Variants in LEPR observed in about 807,000 individuals in gnomAD.
LEPR encodes the protein OB receptor.
A neutral mutation model predicts 114.7 loss-of-function variants in LEPR; 56 were observed. The observed-to-expected ratio is 0.49, with a 90% CI of 0.39 to 0.61. The LOEUF is 0.61. LEPR is among the 20% of genes least tolerant of loss of function. LEPR has a pLI of 0.00. For synonymous variants in LEPR, 443 were observed against 461.4 expected, an observed-to-expected ratio of 0.96 and a Z score of 0.51; for missense variants, 1,202 against 1,352.9, an observed-to-expected ratio of 0.89 and a Z score of 1.75.
chr1:65,580,220 A>C (rs1387266429), intron 5 of LEPR, among the ~76,000 whole-genome samples: 1 of 152,196 alleles, frequency 6.6e-6, no homozygotes, highest in Non-Finnish European at 1.5e-5. Context: ...ATCTCCAAAC[A>C]ATTAAATAGG....
At chr1:65,442,875 A>G (rs780629710) in intron 2 of LEPR, among the ~76,000 whole-genome samples, 1 of 152,206 alleles carries the variant, frequency 6.6e-6, no homozygotes, top group Admixed American at 6.5e-5. Flanking sequence ...GGGTTACTAT[A>G]CAAGGGAGAC....
chr1:65,435,595 C>A, intron 2 of LEPR: 1 of 648,204 alleles, frequency 1.5e-6, no homozygotes, highest in Non-Finnish European at 1.9e-6. Flanking sequence ...TCTCGATCTC[C>A]TGACCTCATG....
chr1:65,550,406 C>T, intron 2 of LEPR, among the ~76,000 whole-genome samples: 1 of 152,182 alleles, frequency 6.6e-6, no homozygotes. Context: ...TTGTCTGTGC[C>T]CTGCCCCCAG....
intron 1 of LEPR, among the ~76,000 whole-genome samples, chr1:65,421,030 C>T (rs570833175): frequency 1.3e-5 from 2 of 152,338 alleles, no homozygotes; most frequent in East Asian, 1.9e-4. Context: ...CGCCCTCCAC[C>T]TCTCCTGAGT....
intron 2 of LEPR, among the ~76,000 whole-genome samples, chr1:65,491,221 A>G (rs1647850107): frequency 6.6e-6 from 1 of 152,140 alleles, no homozygotes; most frequent in African/African-American, 2.4e-5. Context: ...TGCTTCTGCT[A>G]GTTCAGATGG....
intron 2 of LEPR, among the ~76,000 whole-genome samples, chr1:65,483,680 G>A (rs1647330938): frequency 6.6e-6 from 1 of 152,068 alleles, no homozygotes; most frequent in South Asian, 2.1e-4. Flanking sequence ...GCCATCCTCA[G>A]TCCTTGGAAG....
chr1:65,443,423 A>G (rs977556192), intron 2 of LEPR, among the ~76,000 whole-genome samples: 13 of 151,096 alleles, frequency 8.6e-5, no homozygotes, highest in Non-Finnish European at 1.3e-4. Flanking sequence ...AATAGGAACA[A>G]TTACATAAAT....
rs1271553040 is a variant in LEPR, at chr1:65,641,175, T to C, written c.*4160T>C. 6.6e-6 allele frequency: 1 copy of C among 152,226 alleles called. No individual in the cohort carries two copies. The highest frequency in any genetic ancestry group is 1.9e-4 in the East Asian group (1 of 5,208). 9.4% of individuals were successfully genotyped at this position (152,226 alleles called of 1,614,324 possible). On this transcript the variant is annotated 3_prime_UTR_variant, in exon 20 of 20. Transcript: ENST00000349533. The stretch of plus-strand genomic sequence containing the variant: ...AAAATGTCTTTTTCAAAATTAATTA[T>C]GCTTAAGATGTATGGCATTAAATTC...
At chr1:65,434,673 A>G (rs1646534197) in intron 2 of LEPR, 1 of 985,276 alleles carries the variant, frequency 1.0e-6, no homozygotes, top group African/African-American at 1.7e-5. Flanking sequence ...CCTAAGAACA[A>G]GGTCTTTCTC....
At chr1:65,621,904 T>C (rs371086641) in intron 18 of LEPR, among the ~76,000 whole-genome samples, 5 of 152,056 alleles carry the variant, frequency 3.3e-5, no homozygotes, top group African/African-American at 1.2e-4. Context: ...CTGACATCTT[T>C]CCAGCTGGAT....
At chr1:65,593,555 G>C (rs1350579808) in intron 6 of LEPR, among the ~76,000 whole-genome samples, 1 of 151,972 alleles carries the variant, frequency 6.6e-6, no homozygotes, top group Non-Finnish European at 1.5e-5. Flanking sequence ...TATATTTCCT[G>C]AAACAATTAT....
At chr1:65,526,124 AC>A (rs1649946933) in intron 2 of LEPR, 11 of 969,196 alleles carry the variant, frequency 1.1e-5, no homozygotes, top group Non-Finnish European at 1.3e-5. Flanking sequence ...AGAGCATGCC[AC>A]CCGGCCAACT....
chr1:65,509,592 C>T (rs7526141), intron 2 of LEPR, among the ~76,000 whole-genome samples: 49,174 of 151,786 alleles, frequency 0.32, 10,178 homozygotes, highest in Non-Finnish European at 0.46. Context: ...AGAAACAGGG[C>T]GTATGTTTAT....
intron 19 of LEPR, among the ~76,000 whole-genome samples, chr1:65,630,943 G>T (rs190642006): frequency 6.6e-6 from 1 of 151,856 alleles, no homozygotes; most frequent in Non-Finnish European, 1.5e-5. Flanking sequence ...CTTCTAGGTC[G>T]TGTGTTCCTG....
intron 5 of LEPR, 72 bp from the exon 6 acceptor site, chr1:65,592,585 G>A (rs2100897906): frequency 6.6e-7 from 1 of 1,524,392 alleles, no homozygotes; most frequent in East Asian, 2.3e-5. Flanking sequence ...TTAGTATTTA[G>A]TATCCTGCTT....
intron 2 of LEPR, chr1:65,435,364 TTC>T: frequency 1.1e-6 from 1 of 911,898 alleles, no homozygotes; most frequent in Non-Finnish European, 1.3e-6. Context: ...GCCTTTTCTT[TTC>T]TTTTTTTTTT....
intron 2 of LEPR, among the ~76,000 whole-genome samples, chr1:65,558,537 T>TTGAATCAGAA (rs1557662107): frequency 3.0e-3 from 75 of 24,678 alleles, no homozygotes; most frequent in Non-Finnish European, 4.7e-3. Flanking sequence ...TTTTTTTTTT[T>TTGAATCAGAA]GTTTTTTTTT....
chr1:65,615,967 A>G, intron 14 of LEPR, 41 bp from the exon 15 acceptor site: 1 of 1,611,170 alleles, frequency 6.2e-7, no homozygotes. Flanking sequence ...TATAAAAAGC[A>G]CTGCAGCCCT....
At chr1:65,478,967 T>C (rs959536098) in intron 2 of LEPR, among the ~76,000 whole-genome samples, 10 of 152,154 alleles carry the variant, frequency 6.6e-5, no homozygotes, top group African/African-American at 2.4e-4. Context: ...TGAGGACAAA[T>C]AGAACTTTGT....
Sources: gnomAD v4.1 joint callset for allele counts (sites outside exome capture counted in the v4.1 genomes callset) on GRCh38, gnomAD v4.1.1 for gene constraint, MANE v1.5 for transcripts, NCBI Gene and HGNC (gene_info 2026-07-23, HGNC 2026-07-21) for gene names.